Variants in TRAPPC9 observed in about 807,000 individuals in gnomAD.
TRAPPC9 encodes IKK2 binding protein.
A neutral mutation model predicts 124.0 loss-of-function variants in TRAPPC9; 83 were observed. The ratio of observed to expected loss-of-function variants is 0.67; its 90% CI spans 0.56 to 0.80. The LOEUF is 0.80. TRAPPC9 is among the 30% of genes least tolerant of loss of function. TRAPPC9 has a pLI of 0.00. For missense variants in TRAPPC9, 1,302 were observed against 1,508.3 expected, an observed-to-expected ratio of 0.86 and a Z score of 2.27; for synonymous variants, 638 against 617.5, an observed-to-expected ratio of 1.03 and a Z score of -0.49.
At chr8:139,894,598 C>A (rs1433341476) in intron 20 of TRAPPC9, among the ~76,000 whole-genome samples, 1 of 152,166 alleles carries the variant, frequency 6.6e-6, no homozygotes, top group Non-Finnish European at 1.5e-5. Context: ...TTGCAGCCCC[C>A]ACAGAACAGA....
chr8:140,052,807 C>T (rs1842080449), intron 17 of TRAPPC9, among the ~76,000 whole-genome samples: 1 of 151,272 alleles, frequency 6.6e-6, no homozygotes, highest in African/African-American at 2.4e-5. Context: ...TTTAGTCAGG[C>T]ATGGTGGCAT....
At chr8:140,217,506 G>T (rs1007508060) in intron 17 of TRAPPC9, among the ~76,000 whole-genome samples, 1 of 152,146 alleles carries the variant, frequency 6.6e-6, no homozygotes, top group African/African-American at 2.4e-5. Context: ...CACTAGTCAG[G>T]CTCCTTTCCC....
rs1234819626 is a variant in TRAPPC9, at chr8:139,885,956, C to T, written c.2978G>A (p.Arg993His). 19 of 1,567,498 alleles carry T rather than the reference C, an allele frequency of 1.2e-5. No individual in the cohort carries two copies. Among genetic ancestry groups the T allele is most frequent in the Middle Eastern group, 1.7e-4 (1 of 6,030 alleles). ...GICWRIPSLKRSGEASVEGLL... is the reference protein window; with the variant it reads ...GICWRIPSLKHSGEASVEGLL... ...TCCTTCCACACTCGCCTCGCCACTG[C>T]GCTTCAGGGAGGGGTGAGCCTTGGT... Residue 993 changes from arginine to histidine, a missense_variant, in exon 21 of 23, where the codon CGC (arginine) becomes CAC (histidine). Arg to His is a conservative substitution (Grantham distance 29). This residue lies in a region of TRAPPC9 where 640 missense variants were observed against 679.3 expected (regional missense o/e 0.94). Transcript: ENST00000438773.
chr8:139,949,291 A>T (rs942381106), intron 19 of TRAPPC9, among the ~76,000 whole-genome samples: 1 of 152,208 alleles, frequency 6.6e-6, no homozygotes, highest in African/African-American at 2.4e-5. Flanking sequence ...AAAATTGAGA[A>T]ATAATTCTCA....
At chr8:139,893,654 C>T (rs35581892) in intron 20 of TRAPPC9, among the ~76,000 whole-genome samples, 4,115 of 152,352 alleles carry the variant, frequency 0.027, 64 homozygotes, top group South Asian at 0.047. Flanking sequence ...TGACGGTATT[C>T]ATCAAAAGCT....
intron 17 of TRAPPC9, among the ~76,000 whole-genome samples, chr8:140,100,746 C>G (rs999067521): frequency 6.6e-5 from 10 of 152,172 alleles, no homozygotes; most frequent in African/African-American, 2.2e-4. Context: ...AGCTGTGAAG[C>G]CTGTGTTTGT....
intron 19 of TRAPPC9, among the ~76,000 whole-genome samples, chr8:139,975,254 T>G (rs1836367601): frequency 6.6e-6 from 1 of 152,216 alleles, no homozygotes; most frequent in African/African-American, 2.4e-5. Context: ...CGACTGCTGG[T>G]CAGCCTGGAT....
intron 8 of TRAPPC9, 112 bp downstream of exon 8, chr8:140,370,852 C>T: frequency 5.0e-6 from 6 of 1,209,754 alleles, no homozygotes; most frequent in Non-Finnish European, 7.3e-6. Context: ...TCTAGTCATT[C>T]TGGAGCCACC....
chr8:140,080,339 A>C (rs1843743402), intron 17 of TRAPPC9, among the ~76,000 whole-genome samples: 1 of 152,228 alleles, frequency 6.6e-6, no homozygotes, highest in African/African-American at 2.4e-5. Flanking sequence ...GTCTTAGTCC[A>C]TTTGGTGTTG....
At chr8:139,987,394 C>T (rs936582154) in intron 19 of TRAPPC9, among the ~76,000 whole-genome samples, 2 of 152,322 alleles carry the variant, frequency 1.3e-5, no homozygotes, top group African/African-American at 2.4e-5. Context: ...TTGCTCCACA[C>T]CCTCACCAAC....
chr8:140,272,120 G>GATGA (rs2064923389), intron 15 of TRAPPC9, among the ~76,000 whole-genome samples: 3 of 126,286 alleles, frequency 2.4e-5, no homozygotes, highest in African/African-American at 6.2e-5. Context: ...GGTGGCAATG[G>GATGA]TGATGGTGGC....
Position 140,241,547 on chromosome 8 carries a change from T to G in TRAPPC9, c.2431+11230A>C, listed in dbSNP as rs879691873. ...CTGTCTCTACTAAAAATACAAAAAT[T>G]AGCTGGGCATGGTGGTGTGCGCCTG... On this transcript the variant is annotated intron_variant, in intron 16 of 22. Transcript: ENST00000438773. This position sits in a 1 kb window ranked among gnomAD's most constrained non-coding sequence, Gnocchi z 5.0. Among the ~76,000 whole-genome samples the G allele has an allele frequency of 7.2e-5, 11 of 151,870 alleles. No individual in the cohort carries two copies. Among genetic ancestry groups the G allele is most frequent in the Non-Finnish European group, 1.3e-4 (9 of 67,952 alleles).
chr8:140,022,636 C>T (rs1224710484), intron 18 of TRAPPC9, among the ~76,000 whole-genome samples: 2 of 152,182 alleles, frequency 1.3e-5, no homozygotes, highest in Non-Finnish European at 2.9e-5. Context: ...GAGAGAAACA[C>T]ACAACAGGTT....
At chr8:140,286,192 G>A (rs955554776) in intron 13 of TRAPPC9, among the ~76,000 whole-genome samples, 2 of 152,174 alleles carry the variant, frequency 1.3e-5, no homozygotes, top group African/African-American at 2.4e-5. Flanking sequence ...GCAAAGCCTC[G>A]GAAAGCCTGG....
chr8:139,832,700 C>T (rs567497490), intron 21 of TRAPPC9, among the ~76,000 whole-genome samples: 10 of 152,262 alleles, frequency 6.6e-5, no homozygotes, highest in South Asian at 2.1e-4. Flanking sequence ...ACTTCTCTTC[C>T]GCCTCATGAG....
chr8:140,029,816 T>C (rs1365966178), intron 17 of TRAPPC9, among the ~76,000 whole-genome samples: 2 of 151,688 alleles, frequency 1.3e-5, no homozygotes, highest in Non-Finnish European at 2.9e-5. Flanking sequence ...TACTCAAATA[T>C]CAAAATCAGA....
intron 21 of TRAPPC9, among the ~76,000 whole-genome samples, chr8:139,785,794 GAC>G (rs1822192514): frequency 6.6e-6 from 1 of 151,980 alleles, no homozygotes; most frequent in Admixed American, 6.6e-5. Flanking sequence ...GATCTCAAAA[GAC>G]ACTATTAAGA....
chr8:140,421,984 CAAA>C (rs35152459), intron 5 of TRAPPC9, among the ~76,000 whole-genome samples: 10 of 43,962 alleles, frequency 2.3e-4, no homozygotes, highest in Admixed American at 3.6e-4. Context: ...TCCCTCATGA[CAAA>C]AAAAAAAAAA....
At chr8:139,806,457 C>G (rs556392845) in intron 21 of TRAPPC9, among the ~76,000 whole-genome samples, 1 of 152,100 alleles carries the variant, frequency 6.6e-6, no homozygotes, top group African/African-American at 2.4e-5. Flanking sequence ...CGGGGCTCAG[C>G]GGCAGTGACA....
Sources: allele counts gnomAD v4.1 joint callset (sites outside exome capture counted in the v4.1 genomes callset), GRCh38; gene constraint gnomAD v4.1.1; regional missense constraint gnomAD v4.1.1; non-coding constraint Gnocchi (gnomAD v3.1); transcripts MANE v1.5; gene names NCBI Gene and HGNC (gene_info 2026-07-23, HGNC 2026-07-21).